The following MTMR10 variants were observed in gnomAD, a reference collection of about 807,000 sequenced individuals.
The protein encoded by MTMR10 is myotubularin related protein 10.
A neutral mutation model predicts 88.1 loss-of-function variants in MTMR10; 56 were observed. The ratio of observed to expected loss-of-function variants is 0.64; its 90% CI spans 0.51 to 0.79. The LOEUF (loss-of-function observed/expected upper bound fraction) is 0.79, where lower values mean the gene tolerates loss of function less well. MTMR10 is among the 30% of genes least tolerant of loss of function. The pLI, the probability that MTMR10 is intolerant of heterozygous loss-of-function variation, is 0.00. For missense variants in MTMR10, 883 were observed against 924.7 expected (o/e 0.95, Z 0.58); for synonymous variants, 380 against 340.9 (o/e 1.11, Z -1.26).
At chr15:30,922,319 C>A in the MTMR10 span, 7 of 1,613,800 alleles carry the variant, frequency 4.3e-6, no homozygotes, top group Non-Finnish European at 5.9e-6. Context: ...TCGACTGGCC[C>A]TTAATTTACA....
the MTMR10 span, among the ~76,000 whole-genome samples, chr15:30,924,909 G>A: frequency 0.014 from 2,152 of 152,302 alleles, 48 homozygotes; most frequent in African/African-American, 0.05. Context: ...GCCCGGTCAC[G>A]CTCCAGCACG....
At chr15:30,970,396 C>T (rs72710435) in intron 5 of MTMR10, among the ~76,000 whole-genome samples, 6,629 of 152,146 alleles carry the variant, frequency 0.044, 180 homozygotes, top group South Asian at 0.11. Context: ...AAGAGGGAGA[C>T]AGGCTAAAAA....
chr15:30,946,610 T>G, intron 14 of MTMR10: 1 of 640,156 alleles, frequency 1.6e-6, no homozygotes, highest in Non-Finnish European at 2.8e-6. Flanking sequence ...TTTGTCAGCT[T>G]CTGTTGTTGG....
chr15:30,973,578 A>G (rs1335237340), intron 5 of MTMR10, among the ~76,000 whole-genome samples: 3 of 152,088 alleles, frequency 2.0e-5, no homozygotes, highest in African/African-American at 7.2e-5. Context: ...GCCACGTCCT[A>G]TTATACTAAG....
downstream of MTMR10, among the ~76,000 whole-genome samples, chr15:30,935,798 C>T (rs1052102861): frequency 3.9e-5 from 6 of 152,134 alleles, no homozygotes; most frequent in African/African-American, 1.4e-4. Context: ...AAATATTAGT[C>T]TACTGTCTTC....
intron 6 of MTMR10, among the ~76,000 whole-genome samples, chr15:30,963,561 T>A (rs746177418): frequency 6.6e-6 from 1 of 151,922 alleles, no homozygotes; most frequent in Non-Finnish European, 1.5e-5. Flanking sequence ...GGTGTGAACC[T>A]GGCAGGCAGA....
chr15:30,936,880 C>G (rs1157819884), downstream of MTMR10, among the ~76,000 whole-genome samples: 1 of 152,088 alleles, frequency 6.6e-6, no homozygotes, highest in Non-Finnish European at 1.5e-5. Context: ...GGGAAAAGAT[C>G]AACACTCAGA....
chr15:30,928,679 C>T, the MTMR10 span: 26 of 1,613,166 alleles, frequency 1.6e-5, no homozygotes, highest in Admixed American at 1.3e-4. Context: ...CCCTGCCCCA[C>T]GAGTAGGTCC....
chr15:30,939,536 T>A lies in MTMR10; in HGVS notation c.*1934A>T. On this transcript the variant is annotated 3_prime_UTR_variant, in exon 16 of 16. Coordinates refer to ENST00000435680, the MANE Select transcript of MTMR10 (RefSeq NM_017762.3). ...TGATATAACAACTGTCCAGCAAAAA[T>A]AAAAGTATTTTACATTTGATTATCA... is the stretch of plus-strand genomic sequence containing the variant. 2 of 975,676 alleles carry A rather than the reference T, an allele frequency of 2.0e-6. No individual in the cohort carries two copies. Among genetic ancestry groups the A allele is most frequent in the Non-Finnish European group, 2.4e-6 (2 of 821,120 alleles). 60.4% of individuals were successfully genotyped at this position (975,676 alleles called of 1,614,324 possible). A position where few individuals can be genotyped will look rare whatever the true frequency, so the allele number is the denominator to read the frequency against.
chr15:30,958,998 C>T (rs768170217), intron 8 of MTMR10, 36 bp downstream of exon 8: 27 of 1,612,950 alleles, frequency 1.7e-5, no homozygotes, highest in Non-Finnish European at 2.0e-5. Flanking sequence ...AAACAATGGA[C>T]GTCAGCATTC....
At position 30,940,334 on chromosome 15, in the gene MTMR10, C is replaced by G. The variant is rs1050226997; in HGVS notation, c.*1136G>C. ...AACTGTGTCTGCTCATTCTCCTCAA[C>G]TTTGCTGTCCAAAGTTGGGGGCTGG... On this transcript the variant is annotated 3_prime_UTR_variant, in exon 16 of 16. Coordinates refer to ENST00000435680, the MANE Select transcript of MTMR10 (RefSeq NM_017762.3). The G allele has an allele frequency of 7.1e-6, 7 of 985,300 alleles. No homozygotes were observed. Among genetic ancestry groups the G allele is most frequent in the Non-Finnish European group, 8.4e-6 (7 of 829,934 alleles). 61.0% of individuals were successfully genotyped at this position (985,300 alleles called of 1,614,324 possible).
At chr15:30,989,006 ATT>A (rs751994135) in intron 2 of MTMR10, among the ~76,000 whole-genome samples, 3 of 150,912 alleles carry the variant, frequency 2.0e-5, no homozygotes, top group Admixed American at 6.6e-5. Context: ...AAAAAAAAAA[ATT>A]TAAAAAAAAT....
chr15:30,990,666 G>C, intron 2 of MTMR10, 111 bp downstream of exon 2: 1 of 890,152 alleles, frequency 1.1e-6, no homozygotes, highest in Non-Finnish European at 1.7e-6. Flanking sequence ...CTTTTAACTG[G>C]AGAAAGTTTA....
chr15:30,963,613 A>G (rs1000334425), intron 6 of MTMR10, among the ~76,000 whole-genome samples: 1 of 151,942 alleles, frequency 6.6e-6, no homozygotes, highest in African/African-American at 2.4e-5. Context: ...CTCCAGCCTG[A>G]GCGACACAGC....
downstream of MTMR10, among the ~76,000 whole-genome samples, chr15:30,936,755 A>T (rs2062865398): frequency 6.6e-6 from 1 of 152,236 alleles, no homozygotes; most frequent in South Asian, 2.1e-4. Flanking sequence ...ATTAGCCTAC[A>T]GTTGGGCAGA....
chr15:30,925,346 T>C, the MTMR10 span: 1 of 1,520,476 alleles, frequency 6.6e-7, no homozygotes, highest in Middle Eastern at 1.7e-4. Context: ...CTGGTTTTTT[T>C]GGACCAGAAG....
Position 30,974,981 on chromosome 15 carries a change from A to G in MTMR10, c.281T>C (p.Leu94Pro). The G allele has an allele frequency of 1.3e-6, 2 of 1,575,206 alleles. No homozygotes were observed. The highest frequency in any genetic ancestry group is 1.2e-5 in the South Asian group (1 of 85,646). The change falls in exon 4 of 16, where the codon CTT becomes CCT. Residue 94 changes from leucine (L) to proline (P), a missense_variant. By Grantham distance (98) the Leu-to-Pro change is moderately conservative. Around this residue, in one of 3 missense-constraint regions of MTMR10, gnomAD observed 414 missense variants for 423.2 expected, o/e 0.98. Coordinates refer to ENST00000435680, the MANE Select transcript of MTMR10 (RefSeq NM_017762.3). ...PLQKFHYRNL[L>P]LGEHDVPLTC... ...TAAAGGGACATCGTGTTCACCAAGA[A>G]GAAGGTTTCTGTAATGGAATTTCTG...
At chr15:30,973,826 C>T (rs972414921) in intron 5 of MTMR10, among the ~76,000 whole-genome samples, 4 of 152,126 alleles carry the variant, frequency 2.6e-5, no homozygotes, top group Non-Finnish European at 5.9e-5. Flanking sequence ...TGTGTTGCCC[C>T]TGTTGAGTGT....
intron 2 of MTMR10, among the ~76,000 whole-genome samples, chr15:30,989,350 G>A (rs2031157681): frequency 6.6e-6 from 1 of 151,994 alleles, no homozygotes. Context: ...AAAATCAAGG[G>A]AAAATATTTA....
Sources: gnomAD v4.1 joint callset for allele counts (sites outside exome capture counted in the v4.1 genomes callset) on GRCh38, gnomAD v4.1.1 for gene constraint, gnomAD v4.1.1 regional missense constraint, MANE v1.5 for transcripts, NCBI Gene and HGNC (gene_info 2026-07-23, HGNC 2026-07-21) for gene names.